The following ILF2 variants were observed in gnomAD, a reference collection of about 807,000 sequenced individuals.
The protein encoded by ILF2 is interleukin enhancer-binding factor 2.
A neutral mutation model predicts 55.3 loss-of-function variants in ILF2; 9 were observed. That is an observed-to-expected ratio of 0.16 (90% CI 0.10 to 0.28). ILF2 has a LOEUF of 0.28. ILF2 is among the 10% of genes least tolerant of loss of function. The pLI is 1.00. For missense variants in ILF2, 266 were observed against 474.9 expected, an observed-to-expected ratio of 0.56 and a Z score of 4.09; for synonymous variants, 151 against 161.8, an observed-to-expected ratio of 0.93 and a Z score of 0.50.
At chr1:153,665,107 A>G (rs766263355) in intron 8 of ILF2, 113 bp downstream of exon 8, 37 of 700,816 alleles carry the variant, frequency 5.3e-5, no homozygotes, top group Non-Finnish European at 6.4e-5. Flanking sequence ...TAAGTTCTTC[A>G]ATTCCCAGGA....
chr1:153,668,598 T>C (rs1185084880), intron 3 of ILF2, 41 bp from the exon 4 acceptor site: 2 of 1,589,178 alleles, frequency 1.3e-6, no homozygotes, highest in East Asian at 4.5e-5. Context: ...TTGCCGAAGA[T>C]AATATACAGG....
chr1:153,670,955 C>A lies in ILF2; in HGVS notation c.-33G>T, dbSNP rs767656442. On this transcript the variant is annotated 5_prime_UTR_variant, in exon 1 of 14. Transcript: ENST00000361891. ...TAAAACACGAACAATGGAGGCCGCA[C>A]CAACCGCCCCTTCCTCTGAGTAGCA... is the stretch of plus-strand genomic sequence containing the variant. 3.7e-6 allele frequency: 6 copies of A among 1,614,212 alleles called. No homozygotes were observed. In the East Asian group the frequency reaches 1.1e-4, roughly 30 times the overall value.
rs1669457381 is a variant in ILF2 at position 153,670,976 on chromosome 1, T to G, written c.-54A>C. The stretch of plus-strand genomic sequence containing the variant: ...CGCACCAACCGCCCCTTCCTCTGAG[T>G]AGCAGACAACTGAAGAGGCGTCTTG... On this transcript the variant is annotated 5_prime_UTR_variant, in exon 1 of 14. Transcript: ENST00000361891. 1.2e-6 allele frequency: 2 copies of G among 1,612,708 alleles called. No individual in the cohort carries two copies. The highest frequency in any genetic ancestry group is 2.2e-5 in the East Asian group (1 of 44,892).
rs1225755441 is a variant in ILF2 at position 153,664,398 on chromosome 1, G to A, written c.654C>T (p.Ser218=). 10 of 1,612,690 alleles carry A rather than the reference G, an allele frequency of 6.2e-6. No individual in the cohort carries two copies. The highest frequency in any genetic ancestry group is 1.3e-5 in the African/African-American group (1 of 74,914). ...CAAATGGTTAGAGAGGGACTCACGT[G>A]GACTGAGAAGCATTTTCCTCGAACC... ...ARWFEENASQ[S]TVKVLIRLLK... The change falls in exon 9 of 14, where the codon TCC becomes TCT. Residue 218 remains serine, a splice_region_variant and synonymous_variant. Transcript: ENST00000361891.
At chr1:153,670,723 G>A (rs999324963) in intron 1 of ILF2, among the ~76,000 whole-genome samples, 195 bp downstream of exon 1, 2 of 151,552 alleles carry the variant, frequency 1.3e-5, no homozygotes, top group African/African-American at 4.9e-5. Flanking sequence ...TCCTGGGCCC[G>A]AACCCCATCC....
Position 153,662,168 on chromosome 1 carries a change from G to T in ILF2, c.*228C>A. 2.1e-6 allele frequency: 1 copy of T among 486,344 alleles called. No individual in the cohort carries two copies. Among genetic ancestry groups the T allele is most frequent in the Non-Finnish European group, 3.7e-6 (1 of 273,218 alleles). 30.1% of individuals were successfully genotyped at this position (486,344 alleles called of 1,614,324 possible). A position where few individuals can be genotyped will look rare whatever the true frequency, so the allele number is the denominator to read the frequency against. On this transcript the variant is annotated 3_prime_UTR_variant, in exon 14 of 14. Transcript: ENST00000361891. ...GGAGTTGGAGATTATAGAATATTAG[G>T]AAGAAATGTTGGTATCCTCCATTAT... is the stretch of plus-strand genomic sequence containing the variant.
At chr1:153,668,252 G>C (rs1315239869) in intron 4 of ILF2, among the ~76,000 whole-genome samples, 175 bp from the exon 5 acceptor site, 1 of 152,142 alleles carries the variant, frequency 6.6e-6, no homozygotes. Context: ...TTTGTCCCCA[G>C]TAAAAATAAG....
intron 9 of ILF2, 65 bp from the exon 10 acceptor site, chr1:153,664,195 A>C (rs1669249423): frequency 9.2e-7 from 1 of 1,088,562 alleles, no homozygotes. Flanking sequence ...CCTAAGGTAG[A>C]ATTGAAGCTG....
chr1:153,665,101 T>C, intron 8 of ILF2, 119 bp downstream of exon 8: 1 of 678,284 alleles, frequency 1.5e-6, no homozygotes. Context: ...TAAACCTAAG[T>C]TCTTCAATTC....
At chr1:153,668,337 C>A in intron 4 of ILF2, 116 bp downstream of exon 4, 1 of 1,289,784 alleles carries the variant, frequency 7.8e-7, no homozygotes, top group South Asian at 1.3e-5. Context: ...AACAATTAAA[C>A]CCTTTGTGGA....
chr1:153,670,897 C>T (rs953740333), intron 1 of ILF2, 21 bp downstream of exon 1: 2 of 1,614,002 alleles, frequency 1.2e-6, no homozygotes, highest in African/African-American at 2.7e-5. Flanking sequence ...TGAAACCTTT[C>T]GACCGCTTCG....
chr1:153,669,727 G>C, intron 3 of ILF2, 109 bp downstream of exon 3: 1 of 900,456 alleles, frequency 1.1e-6, no homozygotes, highest in South Asian at 1.4e-5. Context: ...CAGGCGTGAG[G>C]CACTGTGTCT....
intron 6 of ILF2, among the ~76,000 whole-genome samples, chr1:153,666,975 A>G (rs926711550): frequency 1.3e-5 from 2 of 152,140 alleles, no homozygotes; most frequent in Non-Finnish European, 2.9e-5. Context: ...TAGAAAAATT[A>G]GCCTGGCATG....
At position 153,667,722 on chromosome 1, in the gene ILF2, G is replaced by C. The variant is rs549088931; in HGVS notation, c.292-65C>G. 502 of 1,110,682 alleles carry C rather than the reference G, an allele frequency of 4.5e-4. 3 individuals carry two copies. In the East Asian group the frequency reaches 0.011, roughly 25 times the overall value. The allele number at this position is 1,110,682 out of a possible 1,614,324, so 68.8% of individuals were successfully genotyped here. ...AAAAAAAGGTGCCTAGGTCCTCCCA[G>C]AACTGTTACAACACAGCTACCTGTT... On this transcript the variant is annotated intron_variant, in intron 5 of 13. Coordinates refer to ENST00000361891, the MANE Select transcript of ILF2 (RefSeq NM_004515.4).
chr1:153,665,263 T>G lies in ILF2; in HGVS notation c.534A>C (p.Thr178=), dbSNP rs1669277746. 6.2e-7 allele frequency: 1 copy of G among 1,613,420 alleles called. No homozygotes were observed. The highest frequency in any genetic ancestry group is 8.5e-7 in the Non-Finnish European group (1 of 1,179,334). Residue 178 remains threonine, a synonymous_variant, in exon 8 of 14, where the codon ACA becomes ACC. Coordinates refer to ENST00000361891, the MANE Select transcript of ILF2 (RefSeq NM_004515.4). ...GTTTTCGAAGATTGGGTGGCACTGT[T>G]GTAATGAGAATCTTCACTGTAGCAT... ...SSDATVKILI[T]TVPPNLRKLD...
chr1:153,669,479 C>G (rs895416627), intron 3 of ILF2, among the ~76,000 whole-genome samples: 2 of 152,098 alleles, frequency 1.3e-5, no homozygotes, highest in African/African-American at 4.8e-5. Flanking sequence ...CTTTCCCTCC[C>G]TATTTCAACC....
chr1:153,662,219 G>C lies in ILF2; in HGVS notation c.*177C>G. On this transcript the variant is annotated 3_prime_UTR_variant, in exon 14 of 14. Transcript: ENST00000361891. ...AGATGGATGGCATAGGTCACAAATG[G>C]GAGACTGGCAGCTAAGCCAATATCA... 1.4e-6 allele frequency: 1 copy of C among 701,504 alleles called. No homozygotes were observed. Among genetic ancestry groups the C allele is most frequent in the Non-Finnish European group, 2.4e-6 (1 of 419,282 alleles). 43.5% of individuals were successfully genotyped at this position (701,504 alleles called of 1,614,324 possible).
chr1:153,665,200 A>G lies in ILF2; in HGVS notation c.577+20T>C. 1 of 1,402,434 alleles carries G rather than the reference A, an allele frequency of 7.1e-7. No individual in the cohort carries two copies. Among genetic ancestry groups the G allele is most frequent in the Non-Finnish European group, 1.0e-6 (1 of 988,334 alleles). The allele number at this position is 1,402,434 out of a possible 1,614,324, so 86.9% of individuals were successfully genotyped here. A position where few individuals can be genotyped will look rare whatever the true frequency, so the allele number is the denominator to read the frequency against. On this transcript the variant is annotated intron_variant, in intron 8 of 13. Transcript: ENST00000361891. ...TGAATATCCCCTAAATTTTCCAGCA[A>G]TGGAAAAAAAAGAACTAACAATGGA...
chr1:153,662,620 G>A (rs1007918330), intron 13 of ILF2, 64 bp from the exon 14 acceptor site: 1 of 1,567,204 alleles, frequency 6.4e-7, no homozygotes, highest in African/African-American at 1.4e-5. Flanking sequence ...CTTACACTGT[G>A]GAAATATTAA....
Sources: gnomAD v4.1 joint callset for allele counts (sites outside exome capture counted in the v4.1 genomes callset) on GRCh38, gnomAD v4.1.1 for gene constraint, MANE v1.5 for transcripts, NCBI Gene and HGNC (gene_info 2026-07-23, HGNC 2026-07-21) for gene names.